The following MIA variants were observed in gnomAD, a reference collection of about 807,000 sequenced individuals.
The protein encoded by MIA is MIA SH3 domain containing.
A neutral mutation model predicts 18.5 loss-of-function variants in MIA; 18 were observed. That is an observed-to-expected ratio of 0.97 (90% CI 0.67 to 1.44). The LOEUF (loss-of-function observed/expected upper bound fraction) is 1.44, where lower values mean the gene tolerates loss of function less well. Among genes scored for constraint, MIA ranks in the 40% most tolerant of loss-of-function variants. The pLI is 0.00. For synonymous variants in MIA, 55 were observed against 64.9 expected, an observed-to-expected ratio of 0.85 and a Z score of 0.74; for missense variants, 158 against 172.4, an observed-to-expected ratio of 0.92 and a Z score of 0.47.
chr19:40,777,378 T>C lies in MIA; in HGVS notation c.373-19T>C. 6.2e-7 allele frequency: 1 copy of C among 1,613,804 alleles called. No homozygotes were observed. Among genetic ancestry groups the C allele is most frequent in the Non-Finnish European group, 8.5e-7 (1 of 1,179,866 alleles). ...GACCGCTGGTTTTCTTTCCACTGTT[T>C]CCCCTTTCTCTTTTTCAGAAATGGG... On this transcript the variant is annotated intron_variant, in intron 3 of 3. Coordinates refer to ENST00000263369, the MANE Select transcript of MIA (RefSeq NM_006533.4).
chr19:40,775,521 ACT>A lies in MIA; in HGVS notation c.-17_-16del. ...TGGAGACCCCAGCACCCCCTTGCTCACTCTCTTGCTCACAGTCCACGATGGCC... is the reference window on the plus strand; with the variant it reads ...TGGAGACCCCAGCACCCCCTTGCTCACTCTTGCTCACAGTCCACGATGGCC... On this transcript the variant is annotated 5_prime_UTR_variant, in exon 1 of 4. Transcript: ENST00000263369. 6.2e-7 allele frequency: 1 copy of A among 1,613,170 alleles called. No homozygotes were observed. The highest frequency in any genetic ancestry group is 8.5e-7 in the Non-Finnish European group (1 of 1,179,664).
At position 40,777,383 on chromosome 19, in the gene MIA, T is replaced by G; in HGVS notation, c.373-14T>G. ...CTGGTTTTCTTTCCACTGTTTCCCC[T>G]TTCTCTTTTTCAGAAATGGGATTTC... On this transcript the variant is annotated splice_polypyrimidine_tract_variant and intron_variant, in intron 3 of 3. Transcript: ENST00000263369. 2 of 1,613,886 alleles carry G rather than the reference T, an allele frequency of 1.2e-6. No individual in the cohort carries two copies. The highest frequency in any genetic ancestry group is 1.7e-6 in the Non-Finnish European group (2 of 1,179,882).
chr19:40,775,461 T>C (rs2233155), upstream of MIA: 4,350 of 1,596,434 alleles, frequency 2.7e-3, 122 homozygotes, highest in African/African-American at 0.051. Context: ...AACACAAGTT[T>C]CCTTGTACTA....
Sources: gnomAD v4.1 joint callset for allele counts on GRCh38, gnomAD v4.1.1 for gene constraint, MANE v1.5 for transcripts, NCBI Gene and HGNC (gene_info 2026-07-23, HGNC 2026-07-21) for gene names.